Variants in SYT14 observed in about 807,000 individuals in gnomAD.
SYT14 encodes synaptotagmin-14.
SYT14 carries 32 observed loss-of-function variants against 74.2 expected under a neutral mutation model. The ratio of observed to expected loss-of-function variants is 0.43; its 90% CI spans 0.33 to 0.58. The LOEUF is 0.58. SYT14 is among the 20% of genes least tolerant of loss of function. The probability of loss-of-function intolerance (pLI) is 0.05; values close to 1 mark genes in which losing one functional copy is unlikely to be tolerated. For synonymous variants in SYT14, 298 were observed against 337.7 expected (o/e 0.88, Z 1.29); for missense variants, 791 against 981.8 (o/e 0.81, Z 2.60).
chr1:210,011,336 G>A (rs2080082627), intron 2 of SYT14, among the ~76,000 whole-genome samples: 1 of 152,048 alleles, frequency 6.6e-6, no homozygotes, highest in African/African-American at 2.4e-5. Context: ...ATATACCTTA[G>A]CTTCTTTTAT....
At chr1:210,070,910 A>ATTTTTTTTTTTTTTTTTT (rs200981834) in intron 5 of SYT14, among the ~76,000 whole-genome samples, 1 of 116,298 alleles carries the variant, frequency 8.6e-6, no homozygotes, top group Non-Finnish European at 1.7e-5. Flanking sequence ...GTTGGGTATA[A>ATTTTTTTTTTTTTTTTTT]TTTTTTTTTT....
intron 5 of SYT14, among the ~76,000 whole-genome samples, chr1:210,063,941 C>T (rs528166215): frequency 2.0e-5 from 3 of 151,954 alleles, no homozygotes; most frequent in East Asian, 1.9e-4. Flanking sequence ...CCTTTTAACA[C>T]CCTCTTTCCG....
At chr1:210,025,130 T>G (rs2080383073) in intron 5 of SYT14, among the ~76,000 whole-genome samples, 1 of 152,212 alleles carries the variant, frequency 6.6e-6, no homozygotes, top group African/African-American at 2.4e-5. Context: ...ACCTTCTTCC[T>G]GCCACCCACT....
chr1:209,977,673 A>T (rs1318656872), intron 2 of SYT14, among the ~76,000 whole-genome samples: 1 of 152,084 alleles, frequency 6.6e-6, no homozygotes, highest in Non-Finnish European at 1.5e-5. Context: ...TGAATCTGAC[A>T]ATTATGAGTC....
At chr1:209,984,513 T>A (rs2079540019) in intron 2 of SYT14, among the ~76,000 whole-genome samples, 1 of 152,206 alleles carries the variant, frequency 6.6e-6, no homozygotes, top group Non-Finnish European at 1.5e-5. Flanking sequence ...AATTTTTAAA[T>A]AATAAGATGA....
At chr1:210,127,305 T>G (rs1420919464) in intron 7 of SYT14, among the ~76,000 whole-genome samples, 2 of 152,148 alleles carry the variant, frequency 1.3e-5, no homozygotes, top group Non-Finnish European at 2.9e-5. Flanking sequence ...TAAGTGGAGA[T>G]CCTCAGGGAG....
At chr1:210,020,887 A>G (rs2080287280) in intron 4 of SYT14, 152 bp from the exon 4 acceptor site, 3 of 649,462 alleles carry the variant, frequency 4.6e-6, no homozygotes, top group East Asian at 2.7e-5. Flanking sequence ...ATGTGTGCAT[A>G]TATGTATATG....
chr1:210,105,148 G>T (rs941276574), intron 7 of SYT14, among the ~76,000 whole-genome samples: 2 of 152,054 alleles, frequency 1.3e-5, no homozygotes, highest in Non-Finnish European at 2.9e-5. Flanking sequence ...AACACTGAGG[G>T]TAGGGCCCAG....
intron 8 of SYT14, chr1:210,156,825 TG>T: frequency 3.3e-6 from 1 of 301,296 alleles, no homozygotes; most frequent in Non-Finnish European, 7.2e-6. Flanking sequence ...CCTGAGTAGC[TG>T]GGACTACAGG....
At chr1:210,044,988 A>G (rs982616557) in intron 5 of SYT14, among the ~76,000 whole-genome samples, 26 of 152,182 alleles carry the variant, frequency 1.7e-4, no homozygotes, top group South Asian at 4.1e-4. Context: ...GTCACCTTGC[A>G]TCAGGCCCCA....
chr1:209,986,257 A>T (rs764339974), intron 2 of SYT14, among the ~76,000 whole-genome samples: 1 of 152,152 alleles, frequency 6.6e-6, no homozygotes. Flanking sequence ...ACATCTGAAC[A>T]TAGGCTGTTA....
intron 6 of SYT14, 40 bp downstream of exon 5, chr1:210,094,633 T>G (rs2081937328): frequency 6.2e-7 from 1 of 1,605,618 alleles, no homozygotes; most frequent in Admixed American, 1.7e-5. Context: ...TGAATGTTAT[T>G]TGGAGGATAA....
intron 5 of SYT14, among the ~76,000 whole-genome samples, chr1:210,039,799 T>C (rs530244817): frequency 2.0e-5 from 3 of 152,172 alleles, no homozygotes; most frequent in African/African-American, 4.8e-5. Context: ...TCACTCGTTA[T>C]TAGAGAAATG....
rs550244626 is a variant in SYT14 at position 210,149,535 on chromosome 1, C to T, written c.2035-6186C>T. 1.0e-3 allele frequency among the ~76,000 whole-genome samples: 159 copies of T among 152,090 alleles called. 1 individual carries two copies. Among genetic ancestry groups the T allele is most frequent in the African/African-American group, 3.7e-3 (153 of 41,498 alleles). On this transcript the variant is annotated intron_variant, in intron 7 of 9. Transcript: ENST00000637265. ...ATTTCCACATGATGCTATGGTCAAA[C>T]GCTGATAAAATATTTTGTTATTATG...
At chr1:209,942,696 G>A (rs1019113267) in intron 1 of SYT14, among the ~76,000 whole-genome samples, 4 of 152,120 alleles carry the variant, frequency 2.6e-5, no homozygotes, top group African/African-American at 9.7e-5. Context: ...AAAACCTCAA[G>A]ATAAGGCTGG....
chr1:210,015,030 TTTTTTTAAAAAAACAAGAC>T (rs2102927045), intron 3 of SYT14, among the ~76,000 whole-genome samples: 1 of 151,400 alleles, frequency 6.6e-6, no homozygotes, highest in Non-Finnish European at 1.5e-5. Flanking sequence ...TATTAATTTA[TTTTTTTAAAAAAACAAGAC>T]TATTACATGT....
intron 2 of SYT14, among the ~76,000 whole-genome samples, chr1:210,001,619 T>C (rs1275069739): frequency 2.7e-5 from 4 of 150,816 alleles, no homozygotes; most frequent in African/African-American, 9.7e-5. Flanking sequence ...TAATAAATTA[T>C]TTGGTATTTT....
At chr1:210,005,877 C>CT (rs1007865224) in intron 2 of SYT14, among the ~76,000 whole-genome samples, 2 of 151,598 alleles carry the variant, frequency 1.3e-5, no homozygotes, top group South Asian at 2.1e-4. Context: ...TTTGGGTTTT[C>CT]TTTTTTTTCT....
chr1:210,139,584 CCAT>C (rs2082873522), intron 7 of SYT14, among the ~76,000 whole-genome samples: 1 of 152,066 alleles, frequency 6.6e-6, no homozygotes, highest in Non-Finnish European at 1.5e-5. Flanking sequence ...GCAGCCATCA[CCAT>C]GATTTAATTT....
Sources: gnomAD v4.1 joint callset for allele counts (sites outside exome capture counted in the v4.1 genomes callset) on GRCh38, gnomAD v4.1.1 for gene constraint, MANE v1.5 for transcripts, NCBI Gene and HGNC (gene_info 2026-07-23, HGNC 2026-07-21) for gene names.